The following CPPED1 variants were observed in gnomAD, a reference collection of about 807,000 sequenced individuals.
The protein encoded by CPPED1 is serine/threonine-protein phosphatase CPPED1.
In CPPED1, 28 loss-of-function variants were observed where a neutral mutation model predicts 28.0. The ratio of observed to expected loss-of-function variants is 1.00; its 90% CI spans 0.74 to 1.37. The LOEUF (loss-of-function observed/expected upper bound fraction) is 1.37. Among genes scored for constraint, CPPED1 ranks in the 40% most tolerant of loss-of-function variants. The pLI, the probability that CPPED1 is intolerant of heterozygous loss-of-function variation, is 0.00. For missense variants in CPPED1, 504 were observed against 416.5 expected, an observed-to-expected ratio of 1.21 and a Z score of -1.83; for synonymous variants, 198 against 180.2, an observed-to-expected ratio of 1.10 and a Z score of -0.79.
intron 3 of CPPED1, among the ~76,000 whole-genome samples, chr16:12,687,360 T>C (rs2079938760): frequency 6.6e-6 from 1 of 152,146 alleles, no homozygotes; most frequent in Non-Finnish European, 1.5e-5. Context: ...ATATCCCAAG[T>C]CCCCTTTAAC....
intron 1 of CPPED1, among the ~76,000 whole-genome samples, chr16:12,790,992 C>T (rs570673881): frequency 2.7e-4 from 40 of 150,336 alleles, no homozygotes; most frequent in Non-Finnish European, 3.1e-4. Flanking sequence ...TCCAAGCTCC[C>T]AGCTTGTCCC....
At chr16:12,719,977 C>G (rs1023336231) in intron 2 of CPPED1, among the ~76,000 whole-genome samples, 2 of 151,908 alleles carry the variant, frequency 1.3e-5, no homozygotes, top group African/African-American at 4.8e-5. Flanking sequence ...AATACGTGTA[C>G]GTTAATTATA....
chr16:12,783,397 G>A (rs1020417628), intron 1 of CPPED1, among the ~76,000 whole-genome samples: 1 of 152,104 alleles, frequency 6.6e-6, no homozygotes, highest in African/African-American at 2.4e-5. Flanking sequence ...TACTTGGGAG[G>A]CTGAGGTGAG....
chr16:12,786,880 C>A (rs1482245634), intron 1 of CPPED1, among the ~76,000 whole-genome samples: 4 of 152,152 alleles, frequency 2.6e-5, no homozygotes, highest in African/African-American at 9.7e-5. Flanking sequence ...CCACTGCACT[C>A]CAGCCTGGGT....
At position 12,661,533 on chromosome 16, in the gene CPPED1, G is replaced by C. The variant is rs957678766; in HGVS notation, c.*3353C>G. 6.6e-6 allele frequency: 1 copy of C among 152,146 alleles called. No individual in the cohort carries two copies. The allele number at this position is 152,146 out of a possible 1,614,324, so 9.4% of individuals were successfully genotyped here. On this transcript the variant is annotated 3_prime_UTR_variant, in exon 4 of 4. Coordinates refer to ENST00000381774, the MANE Select transcript of CPPED1 (RefSeq NM_018340.3). ...CTTGAGCCTTTGCAATCCAATTTGA[G>C]ATCACTTTAAAAAACCTTCCCCCGT...
At chr16:12,686,877 AT>A (rs36119593) in intron 3 of CPPED1, among the ~76,000 whole-genome samples, 2,281 of 150,856 alleles carry the variant, frequency 0.015, 48 homozygotes, top group African/African-American at 0.051. Context: ...AAGTGGCATA[AT>A]TTTTTTTTTG....
rs144742946 is a variant in CPPED1 at position 12,718,133 on chromosome 16, G to A, written c.290-13084C>T. 9.8e-5 allele frequency among the ~76,000 whole-genome samples: 15 copies of A among 152,324 alleles called. 1 individual carries two copies. In the East Asian group the frequency reaches 1.7e-3, roughly 18 times the overall value. Reference sequence around the variant, plus strand: ...AGAAGAGAGCTACAGTTAGCTCCATGAATTTCAATGTTGAGATACAAGATT... The same window carrying A: ...AGAAGAGAGCTACAGTTAGCTCCATAAATTTCAATGTTGAGATACAAGATT... On this transcript the variant is annotated intron_variant, in intron 2 of 3. Transcript: ENST00000381774.
At chr16:12,751,391 C>T (rs534255716) in intron 2 of CPPED1, among the ~76,000 whole-genome samples, 2 of 152,296 alleles carry the variant, frequency 1.3e-5, no homozygotes, top group South Asian at 4.1e-4. Context: ...TCCAACCAGC[C>T]ACAACATGAA....
intron 3 of CPPED1, among the ~76,000 whole-genome samples, chr16:12,672,392 T>C (rs1216608677): frequency 6.6e-6 from 1 of 152,222 alleles, no homozygotes; most frequent in African/African-American, 2.4e-5. Flanking sequence ...CCGTTAGTAA[T>C]GTTTATTTAT....
chr16:12,773,976 G>A (rs2080483705), intron 2 of CPPED1, among the ~76,000 whole-genome samples: 1 of 152,130 alleles, frequency 6.6e-6, no homozygotes, highest in South Asian at 2.1e-4. Context: ...TGGCATCACT[G>A]GAATACCTGC....
rs74699941 is a variant in CPPED1, at chr16:12,694,154, C to T, written c.715+10470G>A. Reference sequence around the variant, plus strand: ...CTGGGAGGTGGAGGTTGCAATGAGCCGAGATTGCGCCACTGCACTCCAGCC... The same window carrying T: ...CTGGGAGGTGGAGGTTGCAATGAGCTGAGATTGCGCCACTGCACTCCAGCC... On this transcript the variant is annotated intron_variant, in intron 3 of 3. Coordinates refer to ENST00000381774, the MANE Select transcript of CPPED1 (RefSeq NM_018340.3). 8.1e-3 allele frequency among the ~76,000 whole-genome samples: 1,225 copies of T among 152,142 alleles called. 56 individuals are homozygous for T. The East Asian group carries it at 0.12, about 15-fold the overall frequency.
At chr16:12,697,337 A>G (rs1209302555) in intron 3 of CPPED1, among the ~76,000 whole-genome samples, 1 of 151,956 alleles carries the variant, frequency 6.6e-6, no homozygotes, top group Non-Finnish European at 1.5e-5. Flanking sequence ...TGATCACCCA[A>G]TTATTAGACA....
At chr16:12,694,287 G>C (rs1289896242) in intron 3 of CPPED1, among the ~76,000 whole-genome samples, 3 of 152,128 alleles carry the variant, frequency 2.0e-5, no homozygotes, top group Non-Finnish European at 1.5e-5. Context: ...TCTCTGTTTT[G>C]TTCATCCCTC....
At chr16:12,715,750 AC>A (rs901055921) in intron 2 of CPPED1, among the ~76,000 whole-genome samples, 24 of 151,684 alleles carry the variant, frequency 1.6e-4, no homozygotes, top group African/African-American at 5.3e-4. Context: ...CTGGTCTCGA[AC>A]CCCCGACCTC....
At chr16:12,796,306 C>G (rs2080627218) in intron 1 of CPPED1, among the ~76,000 whole-genome samples, 1 of 151,914 alleles carries the variant, frequency 6.6e-6, no homozygotes, top group Admixed American at 6.6e-5. Context: ...CCAGCCTGGC[C>G]AACACGGTGA....
At chr16:12,734,378 A>AT (rs113756349) in intron 2 of CPPED1, among the ~76,000 whole-genome samples, 3,582 of 128,682 alleles carry the variant, frequency 0.028, 117 homozygotes, top group African/African-American at 0.088. Flanking sequence ...CCACACAATA[A>AT]TTTTTTTTTT....
In CPPED1 at chr16:12,736,988, C is replaced by G. The variant is rs148092128; in HGVS notation, c.290-31939G>C. Reference sequence around the variant, plus strand: ...GTGGATCACTTGAGGTCAGGAGTTTCAGACCAGCCTGGCTAACATGGTAAA... The same window carrying G: ...GTGGATCACTTGAGGTCAGGAGTTTGAGACCAGCCTGGCTAACATGGTAAA... On this transcript the variant is annotated intron_variant, in intron 2 of 3. Coordinates refer to ENST00000381774, the MANE Select transcript of CPPED1 (RefSeq NM_018340.3). Among the ~76,000 whole-genome samples, 1,019 of 152,042 alleles carry G rather than the reference C, an allele frequency of 6.7e-3. 5 individuals carry two copies. The highest frequency in any genetic ancestry group is 0.034 in the Middle Eastern group (10 of 292).
intron 1 of CPPED1, among the ~76,000 whole-genome samples, chr16:12,801,882 G>C (rs761145267): frequency 2.0e-5 from 3 of 152,152 alleles, no homozygotes; most frequent in Non-Finnish European, 4.4e-5. Context: ...CGCCTCAAAG[G>C]AGGAAATGGT....
At chr16:12,789,037 G>C (rs1046441485) in intron 1 of CPPED1, among the ~76,000 whole-genome samples, 2 of 152,184 alleles carry the variant, frequency 1.3e-5, no homozygotes, top group African/African-American at 2.4e-5. Context: ...CCCAGGCAGC[G>C]TTTATAAACT....
Sources: gnomAD v4.1 joint callset for allele counts (sites outside exome capture counted in the v4.1 genomes callset) on GRCh38, gnomAD v4.1.1 for gene constraint, MANE v1.5 for transcripts, NCBI Gene and HGNC (gene_info 2026-07-23, HGNC 2026-07-21) for gene names.